Variants in NEXMIF observed in about 807,000 individuals in gnomAD.
NEXMIF encodes the protein XLMR protein related to neurite extension.
NEXMIF carries 8 observed loss-of-function variants against 62.1 expected under a neutral mutation model. The observed-to-expected ratio is 0.13, with a 90% CI of 0.08 to 0.23. NEXMIF has a LOEUF of 0.23. Ranked by LOEUF, NEXMIF falls within the 10% of genes least tolerant of loss-of-function variation. NEXMIF has a pLI of 1.00. For missense variants in NEXMIF, 976 were observed against 1,113.3 expected (o/e 0.88, Z 1.75); for synonymous variants, 404 against 416.6 (o/e 0.97, Z 0.37).
At chrX:74,769,191 C>T (rs1237313820) in intron 1 of NEXMIF, among the ~76,000 whole-genome samples, 1 of 110,449 alleles carries the variant, frequency 9.1e-6, no homozygotes, top group African/African-American at 3.3e-5. Context: ...GCCCTTAGCA[C>T]CTTGGCACCA....
chrX:74,826,055 A>G (rs1238935446), intron 1 of NEXMIF, among the ~76,000 whole-genome samples: 1 of 112,409 alleles, frequency 8.9e-6, no homozygotes, highest in Non-Finnish European at 1.9e-5. Context: ...TGCTGGCTGG[A>G]ATGGTAGTTC....
intron 1 of NEXMIF, among the ~76,000 whole-genome samples, chrX:74,848,868 C>T (rs1220380682): frequency 8.9e-6 from 1 of 111,886 alleles, no homozygotes; most frequent in Non-Finnish European, 1.9e-5. Flanking sequence ...TCTCTCATTT[C>T]TTCCACCACA....
intron 1 of NEXMIF, among the ~76,000 whole-genome samples, chrX:74,790,676 TGA>T (rs1389624487): frequency 2.6e-5 from 3 of 113,663 alleles, no homozygotes; most frequent in African/African-American, 9.5e-5. Flanking sequence ...TAGTTCTCCT[TGA>T]AGAGGTCCTT....
At chrX:74,796,877 A>G (rs1256597735) in intron 1 of NEXMIF, among the ~76,000 whole-genome samples, 1 of 111,810 alleles carries the variant, frequency 8.9e-6, no homozygotes, top group Non-Finnish European at 1.9e-5. Context: ...TGTGGGCTGG[A>G]CTTACTTCCA....
intron 1 of NEXMIF, among the ~76,000 whole-genome samples, chrX:74,883,638 G>A (rs1337562131): frequency 8.9e-6 from 1 of 111,883 alleles, no homozygotes; most frequent in Non-Finnish European, 1.9e-5. Context: ...AAGAAATATG[G>A]GACTATGTGA....
intron 1 of NEXMIF, among the ~76,000 whole-genome samples, chrX:74,897,824 T>C (rs1438777949): frequency 8.9e-6 from 1 of 111,911 alleles, no homozygotes; most frequent in African/African-American, 3.2e-5. Flanking sequence ...GGTGAAGGTA[T>C]GTCAAAGGGA....
At chrX:74,833,400 G>C (rs749065335) in intron 1 of NEXMIF, among the ~76,000 whole-genome samples, 5 of 111,391 alleles carry the variant, frequency 4.5e-5, no homozygotes, top group Admixed American at 3.8e-4. Flanking sequence ...AGCTATTCCT[G>C]CTCCTTTTTT....
chrX:74,886,480 T>A (rs2080693877), intron 1 of NEXMIF, among the ~76,000 whole-genome samples: 2 of 111,412 alleles, frequency 1.8e-5, no homozygotes, highest in Admixed American at 1.9e-4. Flanking sequence ...TGTACAAAAA[T>A]CACAAGCATT....
intron 1 of NEXMIF, among the ~76,000 whole-genome samples, chrX:74,812,546 C>A (rs776067369): frequency 9.0e-6 from 1 of 111,255 alleles, no homozygotes; most frequent in Non-Finnish European, 1.9e-5. Context: ...TTCTCTTCAT[C>A]CAAAGATAAT....
chrX:74,764,268 G>A lies in NEXMIF; in HGVS notation c.-47-18571C>T, dbSNP rs182658881. On this transcript the variant is annotated intron_variant, in intron 1 of 3. Coordinates refer to ENST00000055682, the MANE Select transcript of NEXMIF (RefSeq NM_001008537.3). ...TGGTTCTGTTTATATGCTGGATTAC[G>A]TTTATTGATTTGGATATGTTGAACC... 4.4e-3 allele frequency among the ~76,000 whole-genome samples: 494 copies of A among 111,739 alleles called. 2 individuals are homozygous for A. The highest frequency in any genetic ancestry group is 0.015 in the African/African-American group (463 of 30,779).
intron 1 of NEXMIF, among the ~76,000 whole-genome samples, chrX:74,854,870 G>C (rs1181942506): frequency 9.0e-6 from 1 of 111,390 alleles, no homozygotes; most frequent in Non-Finnish European, 1.9e-5. Flanking sequence ...GGAGATAAAT[G>C]ACCTCTTTTA....
At chrX:74,823,727 GATA>G (rs1382964597) in intron 1 of NEXMIF, among the ~76,000 whole-genome samples, 3 of 110,374 alleles carry the variant, frequency 2.7e-5, no homozygotes, top group Non-Finnish European at 5.7e-5. Flanking sequence ...TAGATAGATA[GATA>G]GATAGATAGG....
chrX:74,817,140 G>A (rs929086418), intron 1 of NEXMIF, among the ~76,000 whole-genome samples: 7 of 111,646 alleles, frequency 6.3e-5, no homozygotes, highest in Non-Finnish European at 9.4e-5. Flanking sequence ...CTAGACAAAA[G>A]CCCTATGTGA....
chrX:74,853,790 G>A (rs1394652322), intron 1 of NEXMIF, among the ~76,000 whole-genome samples: 3 of 111,432 alleles, frequency 2.7e-5, no homozygotes, highest in Admixed American at 9.5e-5. Context: ...GATCATCAGA[G>A]CCTATTAAGA....
chrX:74,777,670 G>C (rs1485543482), intron 1 of NEXMIF, among the ~76,000 whole-genome samples: 1 of 110,842 alleles, frequency 9.0e-6, no homozygotes, highest in African/African-American at 3.3e-5. Flanking sequence ...CAGTCTTTTT[G>C]TGCTGGTGTT....
At chrX:74,884,532 A>T (rs1257124486) in intron 1 of NEXMIF, among the ~76,000 whole-genome samples, 1 of 111,959 alleles carries the variant, frequency 8.9e-6, no homozygotes, top group Non-Finnish European at 1.9e-5. Flanking sequence ...ACCAACAAAG[A>T]TCAAAAGAGA....
At chrX:74,834,486 C>T (rs1281037510) in intron 1 of NEXMIF, among the ~76,000 whole-genome samples, 2 of 111,906 alleles carry the variant, frequency 1.8e-5, no homozygotes, top group Non-Finnish European at 3.8e-5. Context: ...TGTTGTAGGA[C>T]AGGTCTGGTG....
chrX:74,811,532 T>C (rs1223461471), intron 1 of NEXMIF, among the ~76,000 whole-genome samples: 2 of 112,732 alleles, frequency 1.8e-5, no homozygotes, highest in Middle Eastern at 4.6e-3. Flanking sequence ...CCAAATCCTT[T>C]ATCAGCTTAA....
intron 1 of NEXMIF, among the ~76,000 whole-genome samples, chrX:74,784,524 A>AATAGC (rs893373493): frequency 1.1e-4 from 12 of 110,827 alleles, no homozygotes; most frequent in African/African-American, 3.9e-4. Flanking sequence ...CACACCCCAG[A>AATAGC]ATAGCTCTAG....
Sources: allele counts gnomAD v4.1 joint callset (sites outside exome capture counted in the v4.1 genomes callset), GRCh38; gene constraint gnomAD v4.1.1; transcripts MANE v1.5; gene names NCBI Gene and HGNC (gene_info 2026-07-23, HGNC 2026-07-21).